Variants in PLS1 observed in about 807,000 individuals in gnomAD.
The protein encoded by PLS1 is plastin 1, also known as plastin-1.
Under a neutral mutation model 73.7 loss-of-function variants are expected in PLS1, and 32 were observed. That is an observed-to-expected ratio of 0.43 (90% confidence interval 0.33 to 0.58). The LOEUF (loss-of-function observed/expected upper bound fraction) is 0.58. Among genes scored for constraint, PLS1 ranks in the 20% least tolerant of loss-of-function variants. The probability of loss-of-function intolerance (pLI) is 0.04; values close to 1 mark genes in which losing one functional copy is unlikely to be tolerated. For missense variants in PLS1, 633 were observed against 740.5 expected (o/e 0.85, Z 1.68); for synonymous variants, 217 against 261.3 (o/e 0.83, Z 1.63).
chr3:142,662,477 G>A (rs371738948), intron 1 of PLS1, among the ~76,000 whole-genome samples: 9 of 152,280 alleles, frequency 5.9e-5, no homozygotes, highest in African/African-American at 2.2e-4. Flanking sequence ...ATGGTGGGTT[G>A]ATGGGTGCAG....
At chr3:142,706,692 T>C (rs1275516601) in intron 14 of PLS1, among the ~76,000 whole-genome samples, 1 of 151,928 alleles carries the variant, frequency 6.6e-6, no homozygotes, top group East Asian at 1.9e-4. Context: ...AGGTGTGATG[T>C]AATAAGGGGG....
chr3:142,599,213 T>A (rs925028514), intron 1 of PLS1, among the ~76,000 whole-genome samples: 4 of 147,150 alleles, frequency 2.7e-5, no homozygotes, highest in Non-Finnish European at 4.4e-5. Context: ...AATAAATAAA[T>A]AAAAAGTGCA....
intron 1 of PLS1, among the ~76,000 whole-genome samples, chr3:142,631,864 A>C (rs907440775): frequency 3.7e-4 from 57 of 152,122 alleles, no homozygotes; most frequent in African/African-American, 1.3e-3. Context: ...ACATATAGAC[A>C]CATGGGACTT....
intron 14 of PLS1, among the ~76,000 whole-genome samples, chr3:142,706,648 A>G (rs781275770): frequency 2.0e-5 from 3 of 152,182 alleles, no homozygotes; most frequent in Non-Finnish European, 2.9e-5. Flanking sequence ...GTGTAACTGC[A>G]AGGACAATGC....
chr3:142,665,276 G>GT (rs1290300168), intron 2 of PLS1, among the ~76,000 whole-genome samples: 1 of 106,810 alleles, frequency 9.4e-6, no homozygotes, highest in Non-Finnish European at 1.9e-5. Context: ...AAAACGATAT[G>GT]TTTAAAAAAA....
rs201238880 is a variant in PLS1 at position 142,710,167 on chromosome 3, C to CTT, written c.1630-1317_1630-1316dup. Among the ~76,000 whole-genome samples, 39 of 131,604 alleles carry CTT rather than the reference C, an allele frequency of 3.0e-4. 1 individual carries two copies. Among genetic ancestry groups the CTT allele is most frequent in the Admixed American group, 1.5e-3 (19 of 12,996 alleles). The allele number at this position is 131,604 out of a possible 152,430, so 86.3% of individuals were successfully genotyped here. ...TAATTGAAGAATGTCATTCAGGACT[C>CTT]TTTTTTTTTTTTTTTTTTCCCATCT... On this transcript the variant is annotated intron_variant, in intron 14 of 15. Transcript: ENST00000457734.
intron 1 of PLS1, among the ~76,000 whole-genome samples, chr3:142,645,862 T>C (rs991578351): frequency 6.6e-6 from 1 of 152,210 alleles, no homozygotes. Context: ...CTGAGTATCA[T>C]AAGACAGGTC....
At chr3:142,659,789 T>C (rs112751507) in intron 1 of PLS1, among the ~76,000 whole-genome samples, 1 of 152,088 alleles carries the variant, frequency 6.6e-6, no homozygotes, top group African/African-American at 2.4e-5. Flanking sequence ...CTCCGCCTCT[T>C]GGGTTGAAGC....
chr3:142,709,777 A>G (rs1469146598), intron 14 of PLS1, among the ~76,000 whole-genome samples: 1 of 151,038 alleles, frequency 6.6e-6, no homozygotes, highest in African/African-American at 2.4e-5. Context: ...AGATGGCAAC[A>G]CTGCACGCCA....
In PLS1 at chr3:142,648,683, C is replaced by T. The variant is rs868408043; in HGVS notation, c.-36-15519C>T. Among the ~76,000 whole-genome samples the T allele has an allele frequency of 3.9e-5, 6 of 152,292 alleles. No individual in the cohort carries two copies. The South Asian group carries it at 8.3e-4, about 21-fold the overall frequency. ...ATTTCAGGCCAATTTTTTTGAGAAG[C>T]TGTACCTATGTTAGATATCTGACCA... On this transcript the variant is annotated intron_variant, in intron 1 of 15. Coordinates refer to ENST00000457734, the MANE Select transcript of PLS1 (RefSeq NM_001145319.2).
chr3:142,612,924 C>G (rs2036149676), intron 1 of PLS1, among the ~76,000 whole-genome samples: 1 of 152,076 alleles, frequency 6.6e-6, no homozygotes, highest in Non-Finnish European at 1.5e-5. Context: ...ACCACCACAC[C>G]TAACTAATTT....
At chr3:142,656,707 G>A (rs2037245246) in intron 1 of PLS1, 1 of 152,080 alleles carries the variant, frequency 6.6e-6, no homozygotes, top group Admixed American at 6.5e-5. Flanking sequence ...TTTTCACATA[G>A]TGATTTATTT....
chr3:142,623,440 T>A (rs1345837689), intron 1 of PLS1: 2 of 152,172 alleles, frequency 1.3e-5, no homozygotes, highest in African/African-American at 2.4e-5. Flanking sequence ...GAATTGCTTC[T>A]TTTCTTTGGT....
intron 1 of PLS1, among the ~76,000 whole-genome samples, chr3:142,633,280 A>G (rs2036605707): frequency 6.6e-6 from 1 of 152,220 alleles, no homozygotes; most frequent in Non-Finnish European, 1.5e-5. Context: ...TGGCAAGATG[A>G]CAAAGTTATA....
intron 1 of PLS1, among the ~76,000 whole-genome samples, chr3:142,601,791 A>T (rs549758600): frequency 2.0e-5 from 3 of 152,286 alleles, no homozygotes; most frequent in Admixed American, 2.0e-4. Flanking sequence ...CCCTGAGATT[A>T]CAGGCATGAA....
At chr3:142,699,150 A>AT (rs2038273966) in intron 12 of PLS1, among the ~76,000 whole-genome samples, 1 of 152,090 alleles carries the variant, frequency 6.6e-6, no homozygotes, top group Non-Finnish European at 1.5e-5. Context: ...TACCTAATGC[A>AT]TGCAGGGCTT....
At chr3:142,678,926 C>T (rs1397174736) in intron 6 of PLS1, among the ~76,000 whole-genome samples, 2 of 152,134 alleles carry the variant, frequency 1.3e-5, no homozygotes. Flanking sequence ...ACATCCTCTC[C>T]AGCACCTGTT....
At chr3:142,664,127 T>G in intron 1 of PLS1, 75 bp from the exon 2 acceptor site, 1 of 561,122 alleles carries the variant, frequency 1.8e-6, no homozygotes, top group South Asian at 2.7e-5. Context: ...AGAATGTACT[T>G]CCTCTGTACC....
At chr3:142,687,558 T>C (rs999446813) in intron 9 of PLS1, among the ~76,000 whole-genome samples, 32 of 152,168 alleles carry the variant, frequency 2.1e-4, no homozygotes, top group South Asian at 4.1e-4. Context: ...AATTAGGAAC[T>C]TAAACTTATG....
Sources: allele counts gnomAD v4.1 joint callset (sites outside exome capture counted in the v4.1 genomes callset), GRCh38; gene constraint gnomAD v4.1.1; transcripts MANE v1.5; gene names NCBI Gene and HGNC (gene_info 2026-07-23, HGNC 2026-07-21).